Variants in STK3 observed in about 807,000 individuals in gnomAD.
STK3 encodes serine/threonine-protein kinase 3.
In STK3, 41 loss-of-function variants were observed where a neutral mutation model predicts 58.0. The observed-to-expected ratio is 0.71, with a 90% CI of 0.55 to 0.92. The LOEUF is 0.92. STK3 is among the 40% of genes least tolerant of loss of function. The pLI, the probability that STK3 is intolerant of heterozygous loss-of-function variation, is 0.00. For synonymous variants in STK3, 170 were observed against 191.0 expected (o/e 0.89, Z 0.91); for missense variants, 479 against 602.7 (o/e 0.79, Z 2.15).
At chr8:98,362,071 T>C in the STK3 span, among the ~76,000 whole-genome samples, 6 of 152,054 alleles carry the variant, frequency 3.9e-5, no homozygotes, top group Non-Finnish European at 8.8e-5. Context: ...CTGGGGAGGA[T>C]TGTGCAAAAG....
intron 2 of STK3, among the ~76,000 whole-genome samples, chr8:98,769,472 G>T (rs544658637): frequency 9.2e-5 from 14 of 152,266 alleles, no homozygotes; most frequent in Admixed American, 2.6e-4. Flanking sequence ...GATCTTCCTT[G>T]CCTTCCACCA....
chr8:98,588,901 G>A (rs1285314417), intron 7 of STK3, among the ~76,000 whole-genome samples: 1 of 149,508 alleles, frequency 6.7e-6, no homozygotes, highest in Non-Finnish European at 1.5e-5. Context: ...GGCTCCTGAG[G>A]CTTCTGCATT....
chr8:98,509,653 T>A (rs962941485), intron 10 of STK3, among the ~76,000 whole-genome samples: 10 of 151,866 alleles, frequency 6.6e-5, no homozygotes, highest in Admixed American at 2.0e-4. Context: ...TTAAAACTTT[T>A]AAACTTTAAA....
At chr8:98,746,153 T>C (rs1281969821) in intron 4 of STK3, among the ~76,000 whole-genome samples, 11 of 152,174 alleles carry the variant, frequency 7.2e-5, no homozygotes, top group Admixed American at 5.2e-4. Flanking sequence ...CTAACCCCAA[T>C]TGAATTAAGT....
intron 1 of STK3, among the ~76,000 whole-genome samples, chr8:98,940,129 T>G (rs1212403664): frequency 6.6e-6 from 1 of 151,998 alleles, no homozygotes; most frequent in African/African-American, 2.4e-5. Context: ...AGCCCGCTCC[T>G]ACCCCCTCGG....
intron 6 of STK3, among the ~76,000 whole-genome samples, chr8:98,617,901 C>CCTCCTTGTACTAGAA (rs1196707651): frequency 8.0e-4 from 122 of 152,298 alleles, no homozygotes; most frequent in Non-Finnish European, 1.3e-3. Flanking sequence ...GGAACTAGTA[C>CCTCCTTGTACTAGAA]CATTCCTTCT....
At chr8:98,815,931 AAAAG>A (rs1169023609) in intron 1 of STK3, among the ~76,000 whole-genome samples, 1 of 152,190 alleles carries the variant, frequency 6.6e-6, no homozygotes, top group African/African-American at 2.4e-5. Flanking sequence ...AACATCACAA[AAAAG>A]AAAGACAATT....
intron 7 of STK3, among the ~76,000 whole-genome samples, chr8:98,581,126 A>G (rs1203817665): frequency 3.9e-5 from 6 of 152,202 alleles, no homozygotes; most frequent in Non-Finnish European, 8.8e-5. Context: ...TCAGGTGGTT[A>G]TATGCGACTA....
intron 6 of STK3, among the ~76,000 whole-genome samples, chr8:98,629,009 C>A (rs1818968458): frequency 6.6e-6 from 1 of 151,948 alleles, no homozygotes; most frequent in African/African-American, 2.4e-5. Context: ...AGAGTAAAGG[C>A]CAAGTGAGGA....
chr8:98,692,184 G>A (rs997826941), intron 6 of STK3, among the ~76,000 whole-genome samples: 1 of 152,158 alleles, frequency 6.6e-6, no homozygotes, highest in African/African-American at 2.4e-5. Context: ...TGGTAGGAAT[G>A]TAAAATGGTA....
At chr8:98,591,170 ACT>A (rs1219131509) in intron 7 of STK3, among the ~76,000 whole-genome samples, 1 of 152,180 alleles carries the variant, frequency 6.6e-6, no homozygotes, top group Non-Finnish European at 1.5e-5. Flanking sequence ...GTGGTACAAT[ACT>A]CTCTTCTGAT....
chr8:98,537,923 T>A (rs1283706354), intron 9 of STK3, among the ~76,000 whole-genome samples: 4 of 152,120 alleles, frequency 2.6e-5, no homozygotes, highest in Admixed American at 6.6e-5. Context: ...AGAAAATACG[T>A]CAGTCCACCC....
rs905071342 is a variant in STK3, at chr8:98,748,839, GT to G, written c.351+436del. Among the ~76,000 whole-genome samples, 436 of 149,714 alleles carry G rather than the reference GT, an allele frequency of 2.9e-3. 2 individuals are homozygous for G. Among genetic ancestry groups the G allele is most frequent in the African/African-American group, 8.2e-3 (335 of 40,804 alleles). On this transcript the variant is annotated intron_variant, in intron 4 of 10. Transcript: ENST00000419617. ...TATTTGGGAAAATAAATACAAAAAT[GT>G]TTTTTTTTAATTCAGAAGTATATAA... is the stretch of plus-strand genomic sequence containing the variant.
At chr8:98,835,894 T>C (rs1404351322) in intron 3 of STK3, among the ~76,000 whole-genome samples, 1 of 152,144 alleles carries the variant, frequency 6.6e-6, no homozygotes, top group Non-Finnish European at 1.5e-5. Flanking sequence ...CATCATAAAC[T>C]GTTGGCTTAT....
chr8:98,935,418 T>C (rs1840161188), intron 1 of STK3, among the ~76,000 whole-genome samples: 1 of 152,244 alleles, frequency 6.6e-6, no homozygotes, highest in Non-Finnish European at 1.5e-5. Flanking sequence ...CACAGCTCAA[T>C]TGTATTTTAA....
intron 1 of STK3, among the ~76,000 whole-genome samples, chr8:98,775,029 G>GT (rs1284555327): frequency 2.0e-5 from 3 of 152,008 alleles, no homozygotes; most frequent in African/African-American, 4.8e-5. Flanking sequence ...ACTTTTATTA[G>GT]TTTTTTGTGA....
intron 6 of STK3, among the ~76,000 whole-genome samples, chr8:98,629,188 G>A (rs1818983228): frequency 6.6e-6 from 1 of 151,306 alleles, no homozygotes; most frequent in Non-Finnish European, 1.5e-5. Flanking sequence ...TAGTATGATA[G>A]GCTCAGCTGG....
chr8:98,938,340 G>A (rs951273547), intron 1 of STK3, among the ~76,000 whole-genome samples: 10 of 152,186 alleles, frequency 6.6e-5, no homozygotes, highest in African/African-American at 2.2e-4. Context: ...AGGTCCTAGA[G>A]AGAAAGTGCA....
intron 1 of STK3, among the ~76,000 whole-genome samples, chr8:98,912,964 A>G (rs897194817): frequency 1.5e-4 from 23 of 152,132 alleles, no homozygotes; most frequent in Non-Finnish European, 2.9e-4. Context: ...GCTGGAGTGC[A>G]GTGGCATGAT....
Sources: gnomAD v4.1 joint callset for allele counts (sites outside exome capture counted in the v4.1 genomes callset) on GRCh38, gnomAD v4.1.1 for gene constraint, MANE v1.5 for transcripts, NCBI Gene and HGNC (gene_info 2026-07-23, HGNC 2026-07-21) for gene names.